Variants in GPR107 observed in about 807,000 individuals in gnomAD.
The protein encoded by GPR107 is protein GPR107.
Under a neutral mutation model 75.5 loss-of-function variants are expected in GPR107, and 31 were observed. That is an observed-to-expected ratio of 0.41 (90% CI 0.31 to 0.55). The LOEUF is 0.55. Among genes scored for constraint, GPR107 ranks in the 20% least tolerant of loss-of-function variants. GPR107 has a pLI of 0.26. For missense variants in GPR107, 572 were observed against 665.7 expected, an observed-to-expected ratio of 0.86 and a Z score of 1.55; for synonymous variants, 267 against 251.3, an observed-to-expected ratio of 1.06 and a Z score of -0.59.
chr9:130,130,225 C>T (rs757134419), intron 17 of GPR107, among the ~76,000 whole-genome samples: 29 of 152,262 alleles, frequency 1.9e-4, no homozygotes, highest in Non-Finnish European at 3.4e-4. Flanking sequence ...CAGAAGTTAC[C>T]GGTCAATAAT....
At chr9:130,099,652 C>A in intron 10 of GPR107, 120 bp downstream of exon 10, 1 of 627,500 alleles carries the variant, frequency 1.6e-6, no homozygotes, top group East Asian at 2.7e-5. Flanking sequence ...GAATACATTT[C>A]TCATAAAGCC....
chr9:130,097,014 A>T (rs542834768), intron 9 of GPR107, among the ~76,000 whole-genome samples: 30 of 152,094 alleles, frequency 2.0e-4, no homozygotes, highest in Admixed American at 1.8e-3. Flanking sequence ...GACTGCCTAC[A>T]TCTCCCTGCT....
At chr9:130,126,507 C>T (rs1026250220) in intron 15 of GPR107, among the ~76,000 whole-genome samples, 33 of 151,954 alleles carry the variant, frequency 2.2e-4, no homozygotes, top group Middle Eastern at 3.2e-3. Context: ...CACCATGCCA[C>T]GCCTGGCTAA....
Position 130,124,935 on chromosome 9 carries a change from C to G in GPR107, c.1327C>G (p.Leu443Val). 6.5e-7 allele frequency: 1 copy of G among 1,544,826 alleles called. No homozygotes were observed. The highest frequency in any genetic ancestry group is 1.2e-5 in the South Asian group (1 of 83,588). The change falls in exon 15 of 18, where the codon CTG becomes GTG. Residue 443 changes from leucine to valine, a missense_variant. Physicochemically the swap from Leu to Val is conservative, Grantham distance 32. Transcript: ENST00000347136. ...DGKAAINLAK[L>V]KLFRHYYVLI... ...TCTAGCTGCTATTAACTTAGCAAAG[C>G]TGAAACTTTTCAGACATTATTACGT...
chr9:130,110,947 TC>T (rs1198051015), intron 14 of GPR107, among the ~76,000 whole-genome samples: 1 of 152,182 alleles, frequency 6.6e-6, no homozygotes, highest in Non-Finnish European at 1.5e-5. Context: ...ACATTCTGTT[TC>T]CTGTTCTCAG....
intron 1 of GPR107, among the ~76,000 whole-genome samples, chr9:130,070,163 ATTTTTTTT>A (rs559425211): frequency 2.1e-4 from 26 of 125,012 alleles, no homozygotes; most frequent in Admixed American, 2.0e-3. Flanking sequence ...CACCCGGCTA[ATTTTTTTT>A]TTTTTTTTTT....
chr9:130,056,582 G>A (rs1447442810), intron 1 of GPR107, among the ~76,000 whole-genome samples: 1 of 152,082 alleles, frequency 6.6e-6, no homozygotes, highest in Non-Finnish European at 1.5e-5. Flanking sequence ...AGTAACCATA[G>A]CTGATAAGCT....
chr9:130,125,632 C>T (rs1487665376), intron 15 of GPR107, among the ~76,000 whole-genome samples: 5 of 129,468 alleles, frequency 3.9e-5, no homozygotes, highest in African/African-American at 8.7e-5. Flanking sequence ...GACGGAGTCT[C>T]GCTCTGTCGC....
intron 1 of GPR107, among the ~76,000 whole-genome samples, chr9:130,068,765 G>A (rs1830130462): frequency 2.0e-5 from 3 of 147,468 alleles, no homozygotes; most frequent in South Asian, 2.1e-4. Flanking sequence ...TTTTTGAGAC[G>A]AGGTTTTGCT....
In GPR107 at chr9:130,139,046, C is replaced by T. The variant is rs1832029810; in HGVS notation, c.*3925C>T. The T allele has an allele frequency of 6.6e-6, 1 of 152,312 alleles. No homozygotes were observed. Among genetic ancestry groups the T allele is most frequent in the South Asian group, 2.1e-4 (1 of 4,836 alleles). 9.4% of individuals were successfully genotyped at this position (152,312 alleles called of 1,614,324 possible). On this transcript the variant is annotated 3_prime_UTR_variant, in exon 18 of 18. Transcript: ENST00000347136. The stretch of plus-strand genomic sequence containing the variant: ...CTTCAAAGGAAACAGATCTAGCACA[C>T]TGCTGCACCCCTGCTTCCACACTCC...
At chr9:130,100,881 G>A (rs1177814195) in intron 11 of GPR107, among the ~76,000 whole-genome samples, 179 bp downstream of exon 11, 1 of 152,224 alleles carries the variant, frequency 6.6e-6, no homozygotes. Context: ...GTCGGGCTTA[G>A]TGGCATACTC....
chr9:130,097,951 G>A (rs1222025054), intron 9 of GPR107, among the ~76,000 whole-genome samples: 1 of 152,010 alleles, frequency 6.6e-6, no homozygotes, highest in African/African-American at 2.4e-5. Flanking sequence ...GCACAGTCAC[G>A]GCTCATTGCA....
chr9:130,107,423 T>C (rs1831186584), intron 13 of GPR107, 73 bp from the exon 14 acceptor site: 1 of 878,356 alleles, frequency 1.1e-6, no homozygotes, highest in Non-Finnish European at 2.0e-6. Context: ...CAGCCTCAAG[T>C]TACTAGAGCT....
chr9:130,069,499 C>T (rs895358126), intron 1 of GPR107, among the ~76,000 whole-genome samples: 6 of 152,164 alleles, frequency 3.9e-5, no homozygotes, highest in Non-Finnish European at 8.8e-5. Context: ...TTGTCACATC[C>T]TCCTCGCTTG....
intron 1 of GPR107, among the ~76,000 whole-genome samples, chr9:130,073,407 G>A (rs1830259846): frequency 6.6e-6 from 1 of 152,168 alleles, no homozygotes; most frequent in African/African-American, 2.4e-5. Context: ...TTCTCTCAGA[G>A]AATTCCAAGA....
At position 130,107,547 on chromosome 9, in the gene GPR107, C is replaced by G; in HGVS notation, c.1306+8C>G. On this transcript the variant is annotated splice_region_variant and intron_variant, in intron 14 of 17. Transcript: ENST00000347136. ...CAGCAACAGATGGAAAAGGCAAGTT[C>G]TCTCGTGCTCATTTTGTGTTGCTCA... 1 of 1,570,646 alleles carries G rather than the reference C, an allele frequency of 6.4e-7. No homozygotes were observed.
Position 130,103,840 on chromosome 9 carries a change from G to A in GPR107, c.1132-580G>A, listed in dbSNP as rs1478428627. Among the ~76,000 whole-genome samples, 1 of 152,322 alleles carries A rather than the reference G, an allele frequency of 6.6e-6. No individual in the cohort carries two copies. The highest frequency in any genetic ancestry group is 1.9e-4 in the East Asian group (1 of 5,192). ...GCATAACAAATCACCCCAAAACTCAGCGACTTAAAACGACAATAACCCGTC... is the reference window on the plus strand; with the variant it reads ...GCATAACAAATCACCCCAAAACTCAACGACTTAAAACGACAATAACCCGTC... On this transcript the variant is annotated intron_variant, in intron 12 of 17. Transcript: ENST00000347136. The surrounding 1 kb of genome is among the most constrained non-coding windows in gnomAD (Gnocchi z 4.3).
In GPR107 at chr9:130,135,596, T is replaced by C. The variant is rs1300134192; in HGVS notation, c.*475T>C. 1 of 152,714 alleles carries C rather than the reference T, an allele frequency of 6.5e-6. No individual in the cohort carries two copies. The highest frequency in any genetic ancestry group is 2.4e-5 in the African/African-American group (1 of 41,022). 9.5% of individuals were successfully genotyped at this position (152,714 alleles called of 1,614,324 possible). On this transcript the variant is annotated 3_prime_UTR_variant, in exon 18 of 18. Coordinates refer to ENST00000347136, the MANE Select transcript of GPR107 (RefSeq NM_020960.5). The stretch of plus-strand genomic sequence containing the variant: ...AGGGCGGGGAGAGTGCCATTGCCTG[T>C]TTGGGAGACAAAAATGAACGAAAAC...
intron 1 of GPR107, among the ~76,000 whole-genome samples, chr9:130,066,407 TGACGAC>T (rs34711126): frequency 6.6e-6 from 1 of 151,936 alleles, no homozygotes; most frequent in Non-Finnish European, 1.5e-5. Context: ...ATGGTGATGA[TGACGAC>T]GATGATGATG....
Sources: allele counts gnomAD v4.1 joint callset (sites outside exome capture counted in the v4.1 genomes callset), GRCh38; gene constraint gnomAD v4.1.1; non-coding constraint Gnocchi (gnomAD v3.1); transcripts MANE v1.5; gene names NCBI Gene and HGNC (gene_info 2026-07-23, HGNC 2026-07-21).